The following NRXN1 variants were observed in gnomAD, a reference collection of about 807,000 sequenced individuals.
NRXN1 encodes the protein neurexin-1.
In NRXN1, 39 loss-of-function variants were observed where a neutral mutation model predicts 150.9. The ratio of observed to expected loss-of-function variants is 0.26; its 90% confidence interval spans 0.20 to 0.34. The LOEUF is 0.34. Among genes scored for constraint, NRXN1 ranks in the 10% least tolerant of loss-of-function variants. The pLI is 1.00. For synonymous variants in NRXN1, 924 were observed against 757.0 expected, an observed-to-expected ratio of 1.22 and a Z score of -3.62; for missense variants, 1,815 against 1,949.9, an observed-to-expected ratio of 0.93 and a Z score of 1.30.
chr2:50,178,410 T>C (rs1277081948), intron 18 of NRXN1, among the ~76,000 whole-genome samples: 2 of 152,030 alleles, frequency 1.3e-5, no homozygotes, highest in Non-Finnish European at 2.9e-5. Flanking sequence ...AAATGTCTTC[T>C]TCATTAAAAG....
intron 2 of NRXN1, among the ~76,000 whole-genome samples, chr2:51,027,226 C>T (rs1042336231): frequency 6.6e-6 from 1 of 152,142 alleles, no homozygotes; most frequent in Admixed American, 6.5e-5. Context: ...TAAGAAGAGG[C>T]CATTGTATTT....
intron 8 of NRXN1, among the ~76,000 whole-genome samples, chr2:50,559,391 T>G (rs1246230663): frequency 6.6e-6 from 1 of 152,232 alleles, no homozygotes; most frequent in Non-Finnish European, 1.5e-5. Flanking sequence ...ATGTTTCAAT[T>G]CTGACACTTC....
intron 15 of NRXN1, 71 bp downstream of exon 15, chr2:50,495,834 G>A: frequency 1.4e-6 from 2 of 1,382,262 alleles, no homozygotes; most frequent in South Asian, 1.6e-5. Context: ...ACACCCCTAA[G>A]CAAAGGATTT....
At chr2:50,021,514 G>C (rs116827052) in intron 21 of NRXN1, among the ~76,000 whole-genome samples, 1,599 of 152,226 alleles carry the variant, frequency 0.011, 32 homozygotes, top group African/African-American at 0.036. Context: ...ATATCACATA[G>C]TTACTAAATG....
intron 5 of NRXN1, among the ~76,000 whole-genome samples, chr2:50,714,312 A>C (rs187849193): frequency 2.0e-5 from 3 of 152,238 alleles, no homozygotes; most frequent in Admixed American, 2.0e-4. Flanking sequence ...AGGAGAGAAG[A>C]AAGCCATAAT....
chr2:50,830,278 G>A (rs1481736649), intron 5 of NRXN1, among the ~76,000 whole-genome samples: 2 of 151,982 alleles, frequency 1.3e-5, no homozygotes, highest in Non-Finnish European at 2.9e-5. Flanking sequence ...GGGAGGGTGA[G>A]GTAGGCCCAA....
In NRXN1 at chr2:50,662,482, C is replaced by T. The variant is rs989156802; in HGVS notation, c.833-38867G>A. The stretch of plus-strand genomic sequence containing the variant: ...ATATATTAGAAGGGTTTAGGGTAAG[C>T]TTCTCCAACCAGCAACCTGTAGGCC... On this transcript the variant is annotated intron_variant, in intron 5 of 22. Transcript: ENST00000401669. Among the ~76,000 whole-genome samples, 3 of 152,028 alleles carry T rather than the reference C, an allele frequency of 2.0e-5. No homozygotes were observed. In the East Asian group the frequency reaches 5.8e-4, roughly 30 times the overall value.
intron 8 of NRXN1, among the ~76,000 whole-genome samples, chr2:50,565,647 TA>T (rs749878550): frequency 6.3e-4 from 96 of 152,192 alleles, no homozygotes; most frequent in Non-Finnish European, 1.1e-3. Context: ...CAATGGAAAA[TA>T]TTTTTTTTTA....
intron 18 of NRXN1, among the ~76,000 whole-genome samples, chr2:50,132,042 A>G (rs1464795555): frequency 6.6e-6 from 1 of 152,164 alleles, no homozygotes; most frequent in African/African-American, 2.4e-5. Flanking sequence ...TCCATTTGCA[A>G]TTCTAAAACA....
chr2:50,643,638 C>T lies in NRXN1; in HGVS notation c.833-20023G>A, dbSNP rs567866219. 2.8e-4 allele frequency among the ~76,000 whole-genome samples: 43 copies of T among 151,786 alleles called. No individual in the cohort carries two copies. In the South Asian group the frequency reaches 4.2e-3, roughly 15 times the overall value. On this transcript the variant is annotated intron_variant, in intron 5 of 22. Transcript: ENST00000401669. ...TTTCCACATGTATAATCAGTTCTTCCGATACTGTTAAGTATTGTATCCTTT... is the reference window on the plus strand; with the variant it reads ...TTTCCACATGTATAATCAGTTCTTCTGATACTGTTAAGTATTGTATCCTTT...
intron 5 of NRXN1, among the ~76,000 whole-genome samples, chr2:50,854,234 T>C (rs977632202): frequency 6.6e-6 from 1 of 152,058 alleles, no homozygotes; most frequent in Non-Finnish European, 1.5e-5. Context: ...AAAGAGATCA[T>C]ACACATTTTT....
intron 2 of NRXN1, among the ~76,000 whole-genome samples, chr2:50,993,948 T>C (rs1698909773): frequency 1.3e-5 from 2 of 152,022 alleles, no homozygotes; most frequent in Non-Finnish European, 2.9e-5. Flanking sequence ...TTTTCCTACA[T>C]TGACTATTCT....
intron 22 of NRXN1, among the ~76,000 whole-genome samples, chr2:49,941,566 G>A (rs528097122): frequency 2.0e-5 from 3 of 152,080 alleles, no homozygotes; most frequent in Non-Finnish European, 4.4e-5. Flanking sequence ...ATTAGTTACT[G>A]TGATTCACTA....
At position 50,400,900 on chromosome 2, in the gene NRXN1, T is replaced by G. The variant is rs930079021; in HGVS notation, c.3364+64542A>C. 3.9e-5 allele frequency among the ~76,000 whole-genome samples: 6 copies of G among 152,280 alleles called. No homozygotes were observed. In the South Asian group the frequency reaches 1.2e-3, roughly 32 times the overall value. On this transcript the variant is annotated intron_variant, in intron 17 of 22. Transcript: ENST00000401669. ...ATGTTGTGATGATATTTCACACACC[T>G]GGGTTGATGCTCCGCAAGATATATC...
At chr2:50,053,845 T>C (rs893942503) in intron 20 of NRXN1, among the ~76,000 whole-genome samples, 3 of 152,208 alleles carry the variant, frequency 2.0e-5, no homozygotes, top group African/African-American at 4.8e-5. Flanking sequence ...GTATTACAAA[T>C]CAGTTTTTAG....
In NRXN1 at chr2:50,898,845, A is replaced by G. The variant is rs192867939; in HGVS notation, c.832+23024T>C. ...TTTTTAACCAGAATAAAAGATTTCT[A>G]TGGAAGCTTTCTGTTCAGAATATTA... On this transcript the variant is annotated intron_variant, in intron 5 of 22. Coordinates refer to ENST00000401669, the MANE Select transcript of NRXN1 (RefSeq NM_001330078.2). Among the ~76,000 whole-genome samples the G allele has an allele frequency of 4.6e-4, 70 of 152,018 alleles. 3 individuals are homozygous for G. In the East Asian group the frequency reaches 0.013, roughly 29 times the overall value.
intron 5 of NRXN1, among the ~76,000 whole-genome samples, chr2:50,793,117 T>G (rs187272984): frequency 6.6e-6 from 1 of 152,258 alleles, no homozygotes; most frequent in African/African-American, 2.4e-5. Context: ...TTTGAGATGA[T>G]ATGATTTATC....
chr2:50,498,332 G>A (rs370322576), intron 13 of NRXN1, among the ~76,000 whole-genome samples: 3 of 152,250 alleles, frequency 2.0e-5, no homozygotes, highest in South Asian at 4.1e-4. Flanking sequence ...TTTTGTTCAT[G>A]CTAGTCTTCT....
intron 5 of NRXN1, among the ~76,000 whole-genome samples, chr2:50,665,293 CTGTT>C (rs1363691719): frequency 2.6e-5 from 4 of 151,952 alleles, no homozygotes; most frequent in Non-Finnish European, 5.9e-5. Context: ...TTAAAATACT[CTGTT>C]TGAATAGCTG....
Sources: allele counts gnomAD v4.1 joint callset (sites outside exome capture counted in the v4.1 genomes callset), GRCh38; gene constraint gnomAD v4.1.1; transcripts MANE v1.5; gene names NCBI Gene and HGNC (gene_info 2026-07-23, HGNC 2026-07-21).